Variants in PACSIN2 observed in about 807,000 individuals in gnomAD.
The protein encoded by PACSIN2 is protein kinase C and casein kinase substrate in neurons 2.
In PACSIN2, 25 loss-of-function variants were observed where a neutral mutation model predicts 63.8. The ratio of observed to expected loss-of-function variants is 0.39; its 90% CI spans 0.29 to 0.55. The LOEUF is 0.55. Ranked by LOEUF, PACSIN2 falls within the 20% of genes least tolerant of loss-of-function variation. PACSIN2 has a pLI of 0.62. For synonymous variants in PACSIN2, 255 were observed against 256.2 expected, an observed-to-expected ratio of 1.00 and a Z score of 0.05; for missense variants, 518 against 646.9, an observed-to-expected ratio of 0.80 and a Z score of 2.16.
intron 1 of PACSIN2, among the ~76,000 whole-genome samples, chr22:42,976,057 T>C (rs1291419524): frequency 6.6e-6 from 1 of 152,194 alleles, no homozygotes; most frequent in Non-Finnish European, 1.5e-5. Flanking sequence ...CATTGAGGCC[T>C]TCCCCTCCTC....
At chr22:42,910,731 G>T (rs959949811) in intron 2 of PACSIN2, among the ~76,000 whole-genome samples, 1 of 152,064 alleles carries the variant, frequency 6.6e-6, no homozygotes, top group Non-Finnish European at 1.5e-5. Context: ...TGAGCTGGGT[G>T]CCCCCCTCAC....
At chr22:43,006,343 T>C (rs1460626274) in intron 1 of PACSIN2, among the ~76,000 whole-genome samples, 3 of 152,142 alleles carry the variant, frequency 2.0e-5, no homozygotes, top group African/African-American at 7.2e-5. Context: ...ATTGAAACAT[T>C]TGGCCAAAAG....
intron 9 of PACSIN2, among the ~76,000 whole-genome samples, 185 bp from the exon 10 acceptor site, chr22:42,876,518 A>G (rs190515567): frequency 6.6e-6 from 1 of 150,654 alleles, no homozygotes; most frequent in South Asian, 2.1e-4. Context: ...AGCCATCAAC[A>G]GGCTTTCCAG....
At chr22:42,902,144 T>C (rs561126852) in intron 2 of PACSIN2, among the ~76,000 whole-genome samples, 1 of 152,284 alleles carries the variant, frequency 6.6e-6, no homozygotes, top group Admixed American at 6.5e-5. Context: ...ATGGAACTTA[T>C]GGCCAGAAAA....
At chr22:42,907,661 G>A (rs1301073457) in intron 2 of PACSIN2, among the ~76,000 whole-genome samples, 1 of 152,262 alleles carries the variant, frequency 6.6e-6, no homozygotes, top group Admixed American at 6.5e-5. Context: ...CTGAGCATGA[G>A]GTGGTATTGA....
chr22:42,926,011 G>T (rs530846486), intron 1 of PACSIN2, among the ~76,000 whole-genome samples: 1 of 152,228 alleles, frequency 6.6e-6, no homozygotes, highest in Non-Finnish European at 1.5e-5. Flanking sequence ...CGCTCAGGAA[G>T]TAAGGCCCAC....
At chr22:42,891,260 A>C in intron 3 of PACSIN2, 78 bp from the exon 4 acceptor site, 1 of 886,516 alleles carries the variant, frequency 1.1e-6, no homozygotes, top group Non-Finnish European at 1.8e-6. Flanking sequence ...TCGGCTGTTC[A>C]ATGTGGCCAT....
chr22:42,924,659 G>C (rs1422649526), intron 1 of PACSIN2, among the ~76,000 whole-genome samples: 1 of 151,964 alleles, frequency 6.6e-6, no homozygotes, highest in African/African-American at 2.4e-5. Context: ...GCTGGTCTGG[G>C]CACTGCCAGG....
intron 2 of PACSIN2, among the ~76,000 whole-genome samples, chr22:42,896,346 C>G (rs1394150742): frequency 1.8e-5 from 1 of 55,110 alleles, no homozygotes; most frequent in Non-Finnish European, 5.3e-5. Flanking sequence ...CAGAAGGTCA[C>G]TCTTTCTTAC....
At chr22:43,009,774 C>G (rs980352878) in intron 1 of PACSIN2, among the ~76,000 whole-genome samples, 1 of 152,114 alleles carries the variant, frequency 6.6e-6, no homozygotes, top group Non-Finnish European at 1.5e-5. Flanking sequence ...CATGCACTTT[C>G]CAAAGGTACA....
At chr22:42,919,715 G>A (rs192441766) in intron 1 of PACSIN2, among the ~76,000 whole-genome samples, 25 of 136,220 alleles carry the variant, frequency 1.8e-4, no homozygotes, top group African/African-American at 4.1e-4. Flanking sequence ...GGAGGTTGTA[G>A]TGAGCCGAGA....
At chr22:42,914,053 T>C (rs1931646393) in intron 1 of PACSIN2, among the ~76,000 whole-genome samples, 1 of 152,234 alleles carries the variant, frequency 6.6e-6, no homozygotes, top group Non-Finnish European at 1.5e-5. Context: ...GAGGAGACTG[T>C]TGCAGGACTA....
intron 1 of PACSIN2, among the ~76,000 whole-genome samples, chr22:42,944,419 A>G (rs1252122150): frequency 6.6e-6 from 1 of 152,184 alleles, no homozygotes; most frequent in Non-Finnish European, 1.5e-5. Context: ...TAATATGACA[A>G]TGCCAGTTTT....
intron 1 of PACSIN2, among the ~76,000 whole-genome samples, chr22:42,948,848 C>T (rs1933550517): frequency 6.6e-6 from 1 of 152,034 alleles, no homozygotes; most frequent in Non-Finnish European, 1.5e-5. Context: ...TGAATTCTAA[C>T]TTGACAGTGC....
intron 1 of PACSIN2, among the ~76,000 whole-genome samples, chr22:42,942,253 G>A (rs1412497407): frequency 1.3e-5 from 2 of 151,914 alleles, no homozygotes; most frequent in African/African-American, 2.4e-5. Context: ...AGTTCTTTAT[G>A]TATTCAAGGT....
chr22:43,005,513 T>C (rs765930649), intron 1 of PACSIN2, among the ~76,000 whole-genome samples: 3 of 152,106 alleles, frequency 2.0e-5, no homozygotes, highest in African/African-American at 7.2e-5. Flanking sequence ...AGTGCCAGGA[T>C]ATGAGGGGAG....
chr22:42,980,140 A>G (rs1921982207), intron 1 of PACSIN2, among the ~76,000 whole-genome samples: 1 of 152,222 alleles, frequency 6.6e-6, no homozygotes, highest in South Asian at 2.1e-4. Flanking sequence ...AGTATAGAGT[A>G]TTGGGTGAAA....
chr22:42,923,046 C>A (rs1932297996), intron 1 of PACSIN2, among the ~76,000 whole-genome samples: 1 of 152,066 alleles, frequency 6.6e-6, no homozygotes, highest in African/African-American at 2.4e-5. Flanking sequence ...GTCCCAGCAC[C>A]CAACAAAGCG....
rs771103562 is a variant in PACSIN2, at chr22:42,906,913, G to A, written c.60+5108C>T. 1.7e-3 allele frequency among the ~76,000 whole-genome samples: 257 copies of A among 152,206 alleles called. 3 individuals are homozygous for A. Among genetic ancestry groups the A allele is most frequent in the Non-Finnish European group, 1.6e-3 (111 of 68,040 alleles). ...TTTAGCCTCTTTGTGGGTGTTCTCT[G>A]TAATTCTTACAACCATCCTGGAAGT... On this transcript the variant is annotated intron_variant, in intron 2 of 10. Coordinates refer to ENST00000263246, the MANE Select transcript of PACSIN2 (RefSeq NM_001184970.3).
Sources: allele counts gnomAD v4.1 joint callset (sites outside exome capture counted in the v4.1 genomes callset), GRCh38; gene constraint gnomAD v4.1.1; transcripts MANE v1.5; gene names NCBI Gene and HGNC (gene_info 2026-07-23, HGNC 2026-07-21).